The following DPF3 variants were observed in gnomAD, a reference collection of about 807,000 sequenced individuals.
The protein encoded by DPF3 is zinc finger protein DPF3.
A neutral mutation model predicts 56.8 loss-of-function variants in DPF3; 18 were observed. The ratio of observed to expected loss-of-function variants is 0.32; its 90% CI spans 0.22 to 0.47. DPF3 has a LOEUF of 0.47. Ranked by LOEUF, DPF3 falls within the 20% of genes least tolerant of loss-of-function variation. The pLI is 1.00. For synonymous variants in DPF3, 188 were observed against 180.2 expected, an observed-to-expected ratio of 1.04 and a Z score of -0.35; for missense variants, 403 against 488.8, an observed-to-expected ratio of 0.82 and a Z score of 1.65.
intron 1 of DPF3, among the ~76,000 whole-genome samples, chr14:72,838,882 CTATCATATATAT>C (rs992823165): frequency 8.1e-6 from 1 of 124,008 alleles, no homozygotes; most frequent in African/African-American, 3.2e-5. Flanking sequence ...TGCAAATTAT[CTATCATATATAT>C]TATCATATAT....
intron 1 of DPF3, among the ~76,000 whole-genome samples, chr14:72,859,497 CT>C (rs1332614802): frequency 2.1e-4 from 27 of 125,714 alleles, no homozygotes; most frequent in African/African-American, 6.8e-4. Context: ...CCATTCCCCC[CT>C]AACCTTCTGG....
intron 2 of DPF3, among the ~76,000 whole-genome samples, chr14:72,762,451 T>C (rs1891107859): frequency 6.6e-6 from 1 of 151,820 alleles, no homozygotes; most frequent in East Asian, 1.9e-4. Context: ...AATCAACCAT[T>C]CCTACATAAT....
chr14:72,782,262 T>C (rs981305480), intron 1 of DPF3, among the ~76,000 whole-genome samples: 7 of 151,786 alleles, frequency 4.6e-5, no homozygotes, highest in Non-Finnish European at 7.4e-5. Context: ...GGTTTTGCTC[T>C]GTTGCCCAGG....
chr14:72,617,102 G>A lies in DPF3; in HGVS notation c.*2195C>T, dbSNP rs1300114104. ...GGGAGACCCAGCTGAGGCTCAGCTT[G>A]TGTAGGCAGAGCAGACATGGGGCTG... On this transcript the variant is annotated 3_prime_UTR_variant, in exon 11 of 11. Transcript: ENST00000556509. Among the ~76,000 whole-genome samples the A allele has an allele frequency of 1.3e-5, 2 of 152,334 alleles. No individual in the cohort carries two copies. The highest frequency in any genetic ancestry group is 2.4e-5 in the African/African-American group (1 of 41,584).
chr14:72,615,112 G>A lies in DPF3; in HGVS notation c.*4185C>T, dbSNP rs970108952. On this transcript the variant is annotated 3_prime_UTR_variant, in exon 11 of 11. Coordinates refer to ENST00000556509, the MANE Select transcript of DPF3 (RefSeq NM_001280542.3). The stretch of plus-strand genomic sequence containing the variant: ...ATGGGGACCCCCTGAAGAGGGGCTA[G>A]GAGGGGCAGCCGGGGAGTGAGAGAA... Among the ~76,000 whole-genome samples the A allele has an allele frequency of 3.9e-5, 6 of 152,180 alleles. No homozygotes were observed. The highest frequency in any genetic ancestry group is 7.2e-5 in the African/African-American group (3 of 41,442).
At chr14:72,772,105 C>T (rs188515893) in intron 1 of DPF3, among the ~76,000 whole-genome samples, 16 of 152,342 alleles carry the variant, frequency 1.1e-4, no homozygotes, top group Non-Finnish European at 2.2e-4. Context: ...CCCAAATCCA[C>T]CAGGCAACTT....
intron 4 of DPF3, among the ~76,000 whole-genome samples, chr14:72,730,429 G>A (rs1007407094): frequency 2.0e-5 from 3 of 152,144 alleles, no homozygotes; most frequent in Non-Finnish European, 2.9e-5. Flanking sequence ...GAAAAGATTT[G>A]ACAATTCATC....
chr14:72,741,919 G>T (rs1273514221), intron 3 of DPF3, among the ~76,000 whole-genome samples: 1 of 152,202 alleles, frequency 6.6e-6, no homozygotes, highest in Non-Finnish European at 1.5e-5. Context: ...CCACTGTCCT[G>T]CCCACTGCCT....
chr14:72,804,605 T>G (rs748928614), intron 1 of DPF3, among the ~76,000 whole-genome samples: 4 of 151,852 alleles, frequency 2.6e-5, no homozygotes, highest in Non-Finnish European at 4.4e-5. Flanking sequence ...GGCTGAGAGG[T>G]TGGGTTTGTT....
intron 1 of DPF3, among the ~76,000 whole-genome samples, chr14:72,844,823 C>T (rs1236768640): frequency 6.6e-6 from 1 of 152,160 alleles, no homozygotes; most frequent in African/African-American, 2.4e-5. Context: ...GTCAAAGTCT[C>T]ATTAGAATCC....
intron 6 of DPF3, among the ~76,000 whole-genome samples, chr14:72,701,974 A>G (rs1888183023): frequency 6.6e-6 from 1 of 152,112 alleles, no homozygotes. Context: ...CACACCTACC[A>G]TCAGGCAGCA....
intron 1 of DPF3, among the ~76,000 whole-genome samples, chr14:72,879,497 A>G (rs2140122073): frequency 6.6e-6 from 1 of 152,296 alleles, no homozygotes; most frequent in South Asian, 2.1e-4. Context: ...GAGTATGTTC[A>G]GCTCTGCATG....
At chr14:72,879,887 C>T (rs1442974283) in intron 1 of DPF3, 6 of 1,531,254 alleles carry the variant, frequency 3.9e-6, no homozygotes, top group South Asian at 2.4e-5. Context: ...CAGATGTTCA[C>T]ATCTATATGC....
intron 6 of DPF3, among the ~76,000 whole-genome samples, chr14:72,694,902 T>C (rs1887843693): frequency 6.6e-6 from 1 of 152,212 alleles, no homozygotes; most frequent in Non-Finnish European, 1.5e-5. Context: ...TTTAGTTGGT[T>C]GATAAGGTAA....
chr14:72,699,166 T>C (rs1477148588), intron 6 of DPF3, among the ~76,000 whole-genome samples: 1 of 152,018 alleles, frequency 6.6e-6, no homozygotes, highest in Non-Finnish European at 1.5e-5. Flanking sequence ...AGGATAGAAC[T>C]CAGAAAACAC....
At chr14:72,758,020 G>C (rs1246524481) in intron 2 of DPF3, among the ~76,000 whole-genome samples, 1 of 152,074 alleles carries the variant, frequency 6.6e-6, no homozygotes, top group African/African-American at 2.4e-5. Flanking sequence ...AAGAAAAAGA[G>C]AAGGACGAAG....
chr14:72,836,119 A>G, intron 1 of DPF3: 3 of 985,744 alleles, frequency 3.0e-6, no homozygotes, highest in Non-Finnish European at 3.6e-6. Flanking sequence ...TCCAGGTCCA[A>G]AGAAGAAGCC....
rs373343929 is a variant in DPF3, at chr14:72,713,277, A to G, written c.604+1146T>C. Among the ~76,000 whole-genome samples the G allele has an allele frequency of 4.6e-5, 7 of 152,364 alleles. No homozygotes were observed. In the South Asian group the frequency reaches 8.3e-4, roughly 18 times the overall value. ...TTAAGCAGCCAAATGGGAGTCATGG[A>G]GTTTGAGTTCTTCTAGCAAAATGTT... On this transcript the variant is annotated intron_variant, in intron 6 of 10. Transcript: ENST00000556509.
intron 7 of DPF3, chr14:72,675,449 G>A (rs1886868518): frequency 6.6e-6 from 1 of 152,202 alleles, no homozygotes; most frequent in Non-Finnish European, 1.5e-5. Context: ...CTCCTCACCA[G>A]ACCCAGTGTC....
Sources: gnomAD v4.1 joint callset for allele counts (sites outside exome capture counted in the v4.1 genomes callset) on GRCh38, gnomAD v4.1.1 for gene constraint, MANE v1.5 for transcripts, NCBI Gene and HGNC (gene_info 2026-07-23, HGNC 2026-07-21) for gene names.